GLIS1: variants seen among roughly 807,000 people sequenced by gnomAD.
The protein encoded by GLIS1 is GLIS family zinc finger 1.
In GLIS1, 24 loss-of-function variants were observed where a neutral mutation model predicts 63.8. The observed-to-expected ratio is 0.38, with a 90% CI of 0.27 to 0.53. The LOEUF is 0.53. Ranked by LOEUF, GLIS1 falls within the 20% of genes least tolerant of loss-of-function variation. GLIS1 has a pLI of 0.85. For missense variants in GLIS1, 1,036 were observed against 1,074.1 expected (o/e 0.96, Z 0.50); for synonymous variants, 450 against 482.5 (o/e 0.93, Z 0.88).
intron 4 of GLIS1, among the ~76,000 whole-genome samples, chr1:53,557,243 C>T (rs1644844116): frequency 6.6e-6 from 1 of 152,110 alleles, no homozygotes; most frequent in Non-Finnish European, 1.5e-5. Flanking sequence ...ATTTGCTGAA[C>T]ATCCTGGACA....
intron 2 of GLIS1, among the ~76,000 whole-genome samples, chr1:53,712,839 A>G (rs138497962): frequency 3.9e-5 from 6 of 152,288 alleles, no homozygotes; most frequent in South Asian, 2.1e-4. Flanking sequence ...GTGGGCTACA[A>G]CACGGACTCT....
chr1:53,690,095 A>T (rs3013772), intron 2 of GLIS1, among the ~76,000 whole-genome samples: 151,094 of 152,350 alleles, frequency 0.99, 74,937 homozygotes, highest in Middle Eastern at 1. Flanking sequence ...TGCTGTGAGC[A>T]CCCTGCGTCA....
intron 2 of GLIS1, among the ~76,000 whole-genome samples, chr1:53,714,297 G>A (rs1238186326): frequency 6.6e-6 from 1 of 152,224 alleles, no homozygotes; most frequent in Non-Finnish European, 1.5e-5. Flanking sequence ...ACATAAACAT[G>A]AGAACAGCAC....
intron 4 of GLIS1, among the ~76,000 whole-genome samples, chr1:53,592,035 C>T (rs1248395006): frequency 6.6e-6 from 1 of 152,164 alleles, no homozygotes; most frequent in Non-Finnish European, 1.5e-5. Context: ...CATGAGTGTC[C>T]CCAGGGCAAG....
Position 53,526,130 on chromosome 1 carries a change from G to C in GLIS1, c.1483-1243C>G, listed in dbSNP as rs779155214. Reference sequence around the variant, plus strand: ...GCCTCTGCCCTGCTGGGACTGCAGGGGACAGGAGAAGGATTGGAGGAAATG... The same window carrying C: ...GCCTCTGCCCTGCTGGGACTGCAGGCGACAGGAGAAGGATTGGAGGAAATG... On this transcript the variant is annotated intron_variant, in intron 5 of 10. Coordinates refer to ENST00000628545, the MANE Select transcript of GLIS1 (RefSeq NM_001367484.1). This position sits in a 1 kb window ranked among gnomAD's most constrained non-coding sequence, Gnocchi z 4.4. Among the ~76,000 whole-genome samples, 6 of 152,144 alleles carry C rather than the reference G, an allele frequency of 3.9e-5. No individual in the cohort carries two copies. The highest frequency in any genetic ancestry group is 8.8e-5 in the Non-Finnish European group (6 of 68,030).
chr1:53,551,523 C>T (rs1017902775), intron 4 of GLIS1, among the ~76,000 whole-genome samples: 4 of 152,176 alleles, frequency 2.6e-5, no homozygotes, highest in African/African-American at 9.7e-5. Flanking sequence ...GTCCTGATGC[C>T]TCCTTGGGCT....
At chr1:53,621,936 G>A (rs578193428) in intron 2 of GLIS1, among the ~76,000 whole-genome samples, 6 of 152,056 alleles carry the variant, frequency 3.9e-5, no homozygotes, top group East Asian at 2.0e-4. Context: ...TCAGCTTCCC[G>A]AGTGGCTGGG....
At chr1:53,623,315 G>C (rs1645564833) in intron 2 of GLIS1, among the ~76,000 whole-genome samples, 1 of 152,112 alleles carries the variant, frequency 6.6e-6, no homozygotes. Flanking sequence ...CATATGATCA[G>C]CTCCATAGAC....
intron 2 of GLIS1, among the ~76,000 whole-genome samples, chr1:53,724,220 C>A (rs1017133555): frequency 6.6e-6 from 1 of 152,192 alleles, no homozygotes; most frequent in African/African-American, 2.4e-5. Context: ...ATGCTAGAGA[C>A]TTTAGCATGT....
chr1:53,572,580 C>A (rs1441711307), intron 4 of GLIS1, among the ~76,000 whole-genome samples: 1 of 152,198 alleles, frequency 6.6e-6, no homozygotes, highest in East Asian at 1.9e-4. Flanking sequence ...CAACAGCCTC[C>A]GTGCAGTCAG....
chr1:53,677,435 C>A (rs1168228066), intron 2 of GLIS1, among the ~76,000 whole-genome samples: 2 of 152,186 alleles, frequency 1.3e-5, no homozygotes, highest in Non-Finnish European at 2.9e-5. Context: ...GGAGAAACAC[C>A]CCGCAAATGA....
At chr1:53,674,001 G>A (rs113507425) in intron 2 of GLIS1, among the ~76,000 whole-genome samples, 18 of 152,048 alleles carry the variant, frequency 1.2e-4, no homozygotes, top group African/African-American at 3.1e-4. Context: ...GTGAAACCCC[G>A]TCTCTATGAA....
At chr1:53,523,186 C>A (rs1644429218) in intron 6 of GLIS1, among the ~76,000 whole-genome samples, 1 of 152,016 alleles carries the variant, frequency 6.6e-6, no homozygotes, top group Admixed American at 6.5e-5. Context: ...TGGGCTAAAG[C>A]ACATCCCCTC....
At chr1:53,576,956 C>G (rs1454765242) in intron 4 of GLIS1, among the ~76,000 whole-genome samples, 1 of 152,136 alleles carries the variant, frequency 6.6e-6, no homozygotes, top group Non-Finnish European at 1.5e-5. Flanking sequence ...CCAAAACCCT[C>G]CCTGACCCCA....
At position 53,646,246 on chromosome 1, in the gene GLIS1, TA is replaced by T. The variant is rs781252199; in HGVS notation, c.260-45969del. 6.6e-6 allele frequency among the ~76,000 whole-genome samples: 1 copy of T among 151,930 alleles called. No homozygotes were observed. The highest frequency in any genetic ancestry group is 1.5e-5 in the Non-Finnish European group (1 of 67,970). On this transcript the variant is annotated intron_variant, in intron 2 of 10. Transcript: ENST00000628545. The surrounding 1 kb of genome is among the most constrained non-coding windows in gnomAD (Gnocchi z 4.2). ...AGTGGGTAAGCAGGGATGAAAGAAA[TA>T]AAATATATAAGAATTGAAAGGAATA... is the stretch of plus-strand genomic sequence containing the variant.
intron 4 of GLIS1, among the ~76,000 whole-genome samples, chr1:53,565,110 G>A (rs2100449542): frequency 1.3e-5 from 2 of 152,064 alleles, no homozygotes; most frequent in East Asian, 3.9e-4. Flanking sequence ...ATGTTCCTAT[G>A]TTTGGAAAAT....
chr1:53,541,142 G>A (rs556862694), intron 4 of GLIS1, among the ~76,000 whole-genome samples: 2 of 152,314 alleles, frequency 1.3e-5, no homozygotes, highest in East Asian at 3.9e-4. Context: ...GCCACCAAGA[G>A]GACTCTGCTT....
rs79503201 is a variant in GLIS1, at chr1:53,697,529, C to T, written c.259+40277G>A. Among the ~76,000 whole-genome samples, 897 of 152,274 alleles carry T rather than the reference C, an allele frequency of 5.9e-3. 10 individuals carry two copies. The highest frequency in any genetic ancestry group is 0.021 in the African/African-American group (872 of 41,538). On this transcript the variant is annotated intron_variant, in intron 2 of 10. Transcript: ENST00000628545. ...ACCCAGGCTGTGAACATTCCTGGGA[C>T]AGGTTCAGGATGTGATCCACCCCCA...
rs151015180 is a variant in GLIS1, at chr1:53,667,109, G to A, written c.260-66831C>T. Among the ~76,000 whole-genome samples the A allele has an allele frequency of 3.3e-5, 5 of 152,320 alleles. No homozygotes were observed. In the East Asian group the frequency reaches 9.6e-4, roughly 29 times the overall value. Reference sequence around the variant, plus strand: ...TAATGTATACTTGCAGGGCTGTAATGAGAATAAAAGAGATTCGAAGGACTA... The same window carrying A: ...TAATGTATACTTGCAGGGCTGTAATAAGAATAAAAGAGATTCGAAGGACTA... On this transcript the variant is annotated intron_variant, in intron 2 of 10. Coordinates refer to ENST00000628545, the MANE Select transcript of GLIS1 (RefSeq NM_001367484.1).
Sources: allele counts gnomAD v4.1 joint callset (sites outside exome capture counted in the v4.1 genomes callset), GRCh38; gene constraint gnomAD v4.1.1; non-coding constraint Gnocchi (gnomAD v3.1); transcripts MANE v1.5; gene names NCBI Gene and HGNC (gene_info 2026-07-23, HGNC 2026-07-21).